Variants in SAMD12 observed in about 807,000 individuals in gnomAD.
The protein encoded by SAMD12 is sterile alpha motif domain-containing protein 12.
In SAMD12, 9 loss-of-function variants were observed where a neutral mutation model predicts 15.0. The observed-to-expected ratio is 0.60, with a 90% confidence interval of 0.36 to 1.05. SAMD12 has a LOEUF of 1.05. Ranked by LOEUF, SAMD12 falls within the 50% of genes least tolerant of loss-of-function variation. SAMD12 has a pLI of 0.01. For synonymous variants in SAMD12, 86 were observed against 90.1 expected, an observed-to-expected ratio of 0.96 and a Z score of 0.25; for missense variants, 230 against 234.2, an observed-to-expected ratio of 0.98 and a Z score of 0.12.
the SAMD12 span, among the ~76,000 whole-genome samples, chr8:118,133,024 A>ATC: frequency 3.0e-5 from 3 of 100,758 alleles, no homozygotes; most frequent in African/African-American, 1.1e-4. Context: ...ATATATATAT[A>ATC]TATCTTATTA....
At chr8:118,277,365 C>A (rs1813499807) in intron 4 of SAMD12, among the ~76,000 whole-genome samples, 1 of 152,160 alleles carries the variant, frequency 6.6e-6, no homozygotes, top group African/African-American at 2.4e-5. Flanking sequence ...TATCTATCAT[C>A]TATCTTTTAT....
At position 118,236,821 on chromosome 8, in the gene SAMD12, C is replaced by A. The variant is rs555797633; in HGVS notation, c.434-39089G>T. Among the ~76,000 whole-genome samples, 360 of 152,280 alleles carry A rather than the reference C, an allele frequency of 2.4e-3. 1 individual carries two copies. Among genetic ancestry groups the A allele is most frequent in the Non-Finnish European group, 3.3e-3 (226 of 68,020 alleles). ...TTTATTTGGATGAAAACAGAAACAA[C>A]AGAAACTCGCAGCACGGCACTATTA... On this transcript the variant is annotated intron_variant, in intron 4 of 4. Transcript: ENST00000409003.
At chr8:118,561,696 C>T (rs1273164890) in intron 2 of SAMD12, among the ~76,000 whole-genome samples, 1 of 152,174 alleles carries the variant, frequency 6.6e-6, no homozygotes, top group African/African-American at 2.4e-5. Flanking sequence ...AATTACCTCC[C>T]ACCAGGTCCC....
the SAMD12 span, among the ~76,000 whole-genome samples, chr8:118,180,079 C>T: frequency 3.3e-5 from 5 of 152,232 alleles, no homozygotes; most frequent in Non-Finnish European, 5.9e-5. Flanking sequence ...GCCCAGTAGA[C>T]GGGGCTGAAC....
chr8:118,431,539 AC>A (rs1822407436), intron 3 of SAMD12, among the ~76,000 whole-genome samples: 1 of 151,378 alleles, frequency 6.6e-6, no homozygotes, highest in Admixed American at 6.6e-5. Context: ...TTTTGTTTCA[AC>A]CCTTTAAAGT....
intron 4 of SAMD12, among the ~76,000 whole-genome samples, chr8:118,248,955 A>T (rs937415198): frequency 6.6e-6 from 1 of 152,020 alleles, no homozygotes; most frequent in Non-Finnish European, 1.5e-5. Context: ...AATAAAAGGC[A>T]TGTGTGTGTG....
intron 2 of SAMD12, among the ~76,000 whole-genome samples, chr8:118,566,971 T>C (rs925053621): frequency 6.6e-5 from 10 of 152,192 alleles, no homozygotes; most frequent in African/African-American, 2.4e-4. Context: ...GCTAAAAATA[T>C]ATACATGTTT....
At position 118,379,174 on chromosome 8, in the gene SAMD12, G is replaced by A. The variant is rs542024600; in HGVS notation, c.*243C>T. The A allele has an allele frequency of 4.0e-6, 5 of 1,242,376 alleles. No individual in the cohort carries two copies. In the African/African-American group the frequency reaches 4.5e-5, roughly 11 times the overall value. The allele number at this position is 1,242,376 out of a possible 1,614,324, so 77.0% of individuals were successfully genotyped here. A position where few individuals can be genotyped will look rare whatever the true frequency, so the allele number is the denominator to read the frequency against. On this transcript the variant is annotated 3_prime_UTR_variant, in exon 4 of 4. Transcript: ENST00000314727. The stretch of plus-strand genomic sequence containing the variant: ...CTAAAGCGCCCTCACAATTGGCGCA[G>A]GTGAAGATAGCTACAGCTGGACTGT...
chr8:118,285,442 A>C (rs1813927733), intron 4 of SAMD12, among the ~76,000 whole-genome samples: 1 of 152,242 alleles, frequency 6.6e-6, no homozygotes, highest in South Asian at 2.1e-4. Context: ...TAAAATATGA[A>C]TGTTGTCATT....
chr8:118,336,256 C>T (rs6994270), intron 4 of SAMD12, among the ~76,000 whole-genome samples: 32 of 152,052 alleles, frequency 2.1e-4, no homozygotes, highest in South Asian at 4.2e-4. Flanking sequence ...TTGTCAGAGA[C>T]GGCTAAATAT....
intron 2 of SAMD12, among the ~76,000 whole-genome samples, chr8:118,495,038 G>T (rs1293483944): frequency 6.6e-6 from 1 of 152,124 alleles, no homozygotes; most frequent in African/African-American, 2.4e-5. Flanking sequence ...GTACTTACAA[G>T]AATCACATGA....
At chr8:118,223,302 A>G (rs940863805) in intron 4 of SAMD12, among the ~76,000 whole-genome samples, 3 of 152,132 alleles carry the variant, frequency 2.0e-5, no homozygotes, top group African/African-American at 7.2e-5. Context: ...CTTCTCTCCT[A>G]TACATTAGGC....
At chr8:118,352,734 T>A (rs1818016556) in intron 4 of SAMD12, among the ~76,000 whole-genome samples, 1 of 152,202 alleles carries the variant, frequency 6.6e-6, no homozygotes, top group African/African-American at 2.4e-5. Flanking sequence ...AAAGGAATAT[T>A]TTTAAAGAAG....
At chr8:118,176,754 A>G in the SAMD12 span, among the ~76,000 whole-genome samples, 1 of 152,194 alleles carries the variant, frequency 6.6e-6, no homozygotes, top group Non-Finnish European at 1.5e-5. Context: ...AACCCCTGTG[A>G]CACACAATTT....
chr8:118,462,389 T>A (rs1380942935), intron 2 of SAMD12, among the ~76,000 whole-genome samples: 1 of 152,216 alleles, frequency 6.6e-6, no homozygotes, highest in Non-Finnish European at 1.5e-5. Flanking sequence ...ATAATAGGCA[T>A]GTGCTGAATG....
the SAMD12 span, among the ~76,000 whole-genome samples, chr8:118,172,941 C>T: frequency 2.6e-5 from 4 of 152,304 alleles, no homozygotes; most frequent in African/African-American, 7.2e-5. Flanking sequence ...GAATTCTACT[C>T]TCTGCTTCTA....
intron 4 of SAMD12, among the ~76,000 whole-genome samples, chr8:118,280,431 A>G (rs1813592258): frequency 6.6e-6 from 1 of 152,182 alleles, no homozygotes; most frequent in South Asian, 2.1e-4. Flanking sequence ...GTGAGATAGA[A>G]TCAAGGACAA....
the SAMD12 span, among the ~76,000 whole-genome samples, chr8:118,184,081 G>A: frequency 6.6e-6 from 1 of 151,954 alleles, no homozygotes; most frequent in Admixed American, 6.6e-5. Context: ...TTTGTTAGAG[G>A]AAATTAAATC....
intron 4 of SAMD12, among the ~76,000 whole-genome samples, chr8:118,278,062 C>T (rs374704473): frequency 2.0e-5 from 3 of 152,210 alleles, no homozygotes; most frequent in Admixed American, 6.5e-5. Flanking sequence ...ACAGTGATAA[C>T]ACAAATGCTT....
Sources: allele counts gnomAD v4.1 joint callset (sites outside exome capture counted in the v4.1 genomes callset), GRCh38; gene constraint gnomAD v4.1.1; transcripts MANE v1.5; gene names NCBI Gene and HGNC (gene_info 2026-07-23, HGNC 2026-07-21).